TJP1: variants seen among roughly 807,000 people sequenced by gnomAD.
TJP1 encodes the protein tight junction protein 1.
TJP1 carries 43 observed loss-of-function variants against 194.2 expected under a neutral mutation model. The ratio of observed to expected loss-of-function variants is 0.22; its 90% CI spans 0.17 to 0.29. The LOEUF (loss-of-function observed/expected upper bound fraction) is 0.29. TJP1 is among the 10% of genes least tolerant of loss of function. TJP1 has a pLI of 1.00. For missense variants in TJP1, 1,971 were observed against 2,185.7 expected (o/e 0.90, Z 1.96); for synonymous variants, 801 against 779.0 (o/e 1.03, Z -0.47).
intron 2 of TJP1, among the ~76,000 whole-genome samples, chr15:29,929,854 T>G (rs200502239): frequency 3.4e-4 from 51 of 152,092 alleles, no homozygotes; most frequent in East Asian, 1.9e-3. Context: ...GCTGCCTTTT[T>G]GAAAAGACTA....
rs189517351 is a variant in TJP1 at position 29,762,742 on chromosome 15, C to T, written c.590-304G>A. 7.4e-4 allele frequency among the ~76,000 whole-genome samples: 112 copies of T among 152,238 alleles called. 1 individual carries two copies. Among genetic ancestry groups the T allele is most frequent in the South Asian group, 3.1e-3 (15 of 4,822 alleles). ...ATTTCTTTTTGACCAAGCATTGATA[C>T]ACTAGCTCTTCAGAATGATTAAGGA... On this transcript the variant is annotated intron_variant, in intron 5 of 27. Coordinates refer to ENST00000614355, the MANE Select transcript of TJP1 (RefSeq NM_001330239.4).
At chr15:29,738,736 C>T (rs1297710586) in intron 10 of TJP1, among the ~76,000 whole-genome samples, 4 of 151,874 alleles carry the variant, frequency 2.6e-5, no homozygotes, top group Non-Finnish European at 5.9e-5. Flanking sequence ...CCTTAAGACT[C>T]CAGGTCTCAG....
chr15:29,747,096 C>T (rs2044839771), intron 8 of TJP1, among the ~76,000 whole-genome samples: 1 of 152,076 alleles, frequency 6.6e-6, no homozygotes, highest in East Asian at 1.9e-4. Context: ...ATCAGCCTGA[C>T]CAACATGGTG....
At chr15:29,938,446 T>C (rs2152279857) in intron 2 of TJP1, among the ~76,000 whole-genome samples, 1 of 152,296 alleles carries the variant, frequency 6.6e-6, no homozygotes, top group East Asian at 1.9e-4. Flanking sequence ...AAAAATCACG[T>C]TTGTAGTACA....
At chr15:29,717,983 GT>G (rs1472131336) in intron 22 of TJP1, 37 bp downstream of exon 22, 4 of 1,544,564 alleles carry the variant, frequency 2.6e-6, no homozygotes, top group Admixed American at 1.8e-5. Flanking sequence ...TAAATTCCTG[GT>G]CAGTTCTATG....
intron 2 of TJP1, among the ~76,000 whole-genome samples, chr15:29,842,289 A>G (rs896710883): frequency 6.6e-6 from 1 of 152,224 alleles, no homozygotes; most frequent in Non-Finnish European, 1.5e-5. Flanking sequence ...ATTGAAATAA[A>G]TGTGAGCTAT....
chr15:29,701,747 C>G lies in TJP1; in HGVS notation c.5213-58G>C, dbSNP rs1314919734. 6.9e-6 allele frequency: 9 copies of G among 1,313,034 alleles called. No homozygotes were observed. The South Asian group carries it at 1.1e-4, about 16-fold the overall frequency. 81.3% of individuals were successfully genotyped at this position (1,313,034 alleles called of 1,614,324 possible). A position where few individuals can be genotyped will look rare whatever the true frequency, so the allele number is the denominator to read the frequency against. On this transcript the variant is annotated intron_variant, in intron 27 of 27. Coordinates refer to ENST00000614355, the MANE Select transcript of TJP1 (RefSeq NM_001330239.4). ...GTTCAGTAAACTGCTATCCGTAATG[C>G]TTTGCAATTATAGGGCAAATACGTA... is the stretch of plus-strand genomic sequence containing the variant.
chr15:29,895,437 A>AACT (rs1051499633), intron 2 of TJP1, among the ~76,000 whole-genome samples: 6 of 152,232 alleles, frequency 3.9e-5, no homozygotes, highest in African/African-American at 1.4e-4. Flanking sequence ...AACACAACTT[A>AACT]GTTAAGTTCT....
rs78328847 is a variant in TJP1, at chr15:29,871,560, G to T, written c.307-70858C>A. Among the ~76,000 whole-genome samples the T allele has an allele frequency of 2.0e-3, 306 of 152,354 alleles. 2 individuals are homozygous for T. The highest frequency in any genetic ancestry group is 6.8e-3 in the Middle Eastern group (2 of 294). ...AGCTTGCCGTGGGAGAGGCGCAACCGCCTGGAGAGGCCTTCCTATGAGGAA... is the reference window on the plus strand; with the variant it reads ...AGCTTGCCGTGGGAGAGGCGCAACCTCCTGGAGAGGCCTTCCTATGAGGAA... On this transcript the variant is annotated intron_variant, in intron 2 of 28. Transcript: ENST00000356107.
intron 2 of TJP1, among the ~76,000 whole-genome samples, chr15:29,853,857 A>G (rs1696481873): frequency 6.6e-6 from 1 of 152,200 alleles, no homozygotes; most frequent in Admixed American, 6.5e-5. Context: ...TGACTTGCAC[A>G]ACACTATTCT....
chr15:29,934,942 T>C (rs980433513), intron 2 of TJP1, among the ~76,000 whole-genome samples: 1 of 152,196 alleles, frequency 6.6e-6, no homozygotes, highest in Non-Finnish European at 1.5e-5. Flanking sequence ...TAAAATAAAT[T>C]AGTAAGTTAA....
chr15:29,877,963 G>A (rs1310000066), intron 2 of TJP1, among the ~76,000 whole-genome samples: 1 of 152,046 alleles, frequency 6.6e-6, no homozygotes, highest in Non-Finnish European at 1.5e-5. Flanking sequence ...CACCCCGCCC[G>A]GCCGATTATT....
At chr15:29,959,939 T>A (rs2056093498) in intron 1 of TJP1, among the ~76,000 whole-genome samples, 1 of 152,088 alleles carries the variant, frequency 6.6e-6, no homozygotes, top group Non-Finnish European at 1.5e-5. Context: ...ATGAAAACAA[T>A]GAACTTTATT....
intron 2 of TJP1, among the ~76,000 whole-genome samples, chr15:29,848,904 T>C (rs1052123180): frequency 2.0e-5 from 3 of 152,042 alleles, no homozygotes; most frequent in African/African-American, 7.2e-5. Flanking sequence ...TTATTTTCTG[T>C]GGTTTTTTTT....
Position 29,764,227 on chromosome 15 carries a change from C to T in TJP1, c.590-1789G>A, listed in dbSNP as rs74919916. Among the ~76,000 whole-genome samples the T allele has an allele frequency of 6.1e-3, 921 of 152,132 alleles. 8 individuals carry two copies. Among genetic ancestry groups the T allele is most frequent in the African/African-American group, 0.021 (872 of 41,474 alleles). On this transcript the variant is annotated intron_variant, in intron 5 of 27. Transcript: ENST00000614355. ...CACTTACTAGGGGGAAGGAGAAGGC[C>T]GCCCTGAGGAAGATATACTAAAGTT...
intron 3 of TJP1, 28 bp downstream of exon 3, chr15:29,773,205 C>T (rs1040871747): frequency 6.2e-7 from 1 of 1,611,908 alleles, no homozygotes. Context: ...GCTTGTTGCA[C>T]AGTGCCCACG....
At chr15:29,825,691 GTATT>G (rs1423283715), upstream of TJP1, among the ~76,000 whole-genome samples, 3 of 152,198 alleles carry the variant, frequency 2.0e-5, no homozygotes, top group Non-Finnish European at 4.4e-5. Flanking sequence ...CAAAGAGGAA[GTATT>G]TATTTACGGT....
At position 29,956,123 on chromosome 15, in the gene TJP1, TA is replaced by T. The variant is rs894923504; in HGVS notation, c.306+108del. On this transcript the variant is annotated intron_variant, in intron 2 of 28. Transcript: ENST00000356107. ...CTGTTGGGTGAACCATTTCTAAAAT[TA>T]AAAAATGCCTGCCACAAAATAAGTC... 7 of 1,002,714 alleles carry T rather than the reference TA, an allele frequency of 7.0e-6. No individual in the cohort carries two copies. The Admixed American group carries it at 1.6e-4, about 23-fold the overall frequency. The allele number at this position is 1,002,714 out of a possible 1,614,324, so 62.1% of individuals were successfully genotyped here.
At chr15:29,937,215 T>C (rs183932429) in intron 2 of TJP1, among the ~76,000 whole-genome samples, 39 of 152,300 alleles carry the variant, frequency 2.6e-4, no homozygotes, top group Admixed American at 1.8e-3. Flanking sequence ...TGTAAAACCA[T>C]TCAATCAGGC....
Sources: gnomAD v4.1 joint callset for allele counts (sites outside exome capture counted in the v4.1 genomes callset) on GRCh38, gnomAD v4.1.1 for gene constraint, MANE v1.5 for transcripts, NCBI Gene and HGNC (gene_info 2026-07-23, HGNC 2026-07-21) for gene names.